SLC49A3: variants seen among roughly 807,000 people sequenced by gnomAD.
SLC49A3 encodes solute carrier family 49 member 3.
In SLC49A3, 50 loss-of-function variants were observed where a neutral mutation model predicts 43.8. That is an observed-to-expected ratio of 1.14 (90% CI 0.91 to 1.45). The LOEUF (loss-of-function observed/expected upper bound fraction) is 1.45, where lower values mean the gene tolerates loss of function less well. Ranked by LOEUF, SLC49A3 falls within the 40% of genes most tolerant of loss-of-function variation. The pLI is 0.00. For missense variants in SLC49A3, 906 were observed against 774.1 expected (o/e 1.17, Z -2.02); for synonymous variants, 413 against 352.0 (o/e 1.17, Z -1.94).
At chr4:689,545 G>A (rs1741687567), upstream of SLC49A3, 2 of 157,020 alleles carry the variant, frequency 1.3e-5, no homozygotes, top group South Asian at 2.1e-4. Context: ...CCACAGGGAG[G>A]GGCCAGAGGC....
downstream of SLC49A3, chr4:681,189 C>T (rs1228910766): frequency 5.1e-6 from 8 of 1,573,826 alleles, no homozygotes; most frequent in Admixed American, 1.8e-5. Context: ...GGGCGGGGCT[C>T]CCGGGGTCAG....
At chr4:679,100 G>T (rs1224442848), downstream of SLC49A3, 1 of 1,320,780 alleles carries the variant, frequency 7.6e-7, no homozygotes, top group African/African-American at 2.2e-5. Flanking sequence ...TCCAGCTCCA[G>T]ACGCCGCGGC....
In SLC49A3 at chr4:686,512, T is replaced by C. The variant is rs764260113; in HGVS notation, c.294+20A>G. ...CCCTGCACTGTCCCGGAGCGGGCCA[T>C]GGTGTGGGGTCTGACTCACCGCCGC... On this transcript the variant is annotated intron_variant, in intron 2 of 9. Transcript: ENST00000322224. The C allele has an allele frequency of 1.2e-6, 2 of 1,609,822 alleles. No individual in the cohort carries two copies. Among genetic ancestry groups the C allele is most frequent in the East Asian group, 2.2e-5 (1 of 44,852 alleles).
At chr4:677,040 G>T (rs550420208), downstream of SLC49A3, 2 of 525,774 alleles carry the variant, frequency 3.8e-6, no homozygotes, top group African/African-American at 2.1e-5. Context: ...ACACGGTGGC[G>T]CCCCCAGGGA....
chr4:689,074 G>A lies in SLC49A3; in HGVS notation c.54C>T (p.Cys18=). 1 of 1,566,232 alleles carries A rather than the reference G, an allele frequency of 6.4e-7. No individual in the cohort carries two copies. The highest frequency in any genetic ancestry group is 2.5e-5 in the East Asian group (1 of 39,358). ...CGTAGGTGCGGTGGCCCCGCTGCGC[G>A]CACAGGGCCCGGGGCTCGGCCAACC... ...ETGLAEPRAL[C]AQRGHRTYAR... Residue 18 remains cysteine, a synonymous_variant, in exon 1 of 10, where the codon TGC becomes TGT. Transcript: ENST00000322224.
Position 685,265 on chromosome 4 carries a change from C to T in SLC49A3, c.586-409G>A, listed in dbSNP as rs756822061. On this transcript the variant is annotated intron_variant, in intron 4 of 9. Transcript: ENST00000322224. This position sits in a 1 kb window ranked among gnomAD's most constrained non-coding sequence, Gnocchi z 4.3. Reference sequence around the variant, plus strand: ...ACCACCCGCACCTGATACACATGCACGAGCACACACAGGTACACACCACAC... The same window carrying T: ...ACCACCCGCACCTGATACACATGCATGAGCACACACAGGTACACACCACAC... Among the ~76,000 whole-genome samples, 4 of 152,136 alleles carry T rather than the reference C, an allele frequency of 2.6e-5. No individual in the cohort carries two copies. Among genetic ancestry groups the T allele is most frequent in the South Asian group, 2.1e-4 (1 of 4,818 alleles).
chr4:678,262 C>G, downstream of SLC49A3: 1 of 1,467,938 alleles, frequency 6.8e-7, no homozygotes, highest in South Asian at 1.4e-5. Flanking sequence ...CGTTGCTCTC[C>G]TGGTGAGAGT....
At chr4:689,676 G>A (rs1215128132), upstream of SLC49A3, among the ~76,000 whole-genome samples, 2 of 152,284 alleles carry the variant, frequency 1.3e-5, no homozygotes, top group African/African-American at 4.8e-5. Flanking sequence ...GCCAAGGCTG[G>A]AGGGAAGGCC....
Position 683,348 on chromosome 4 carries a change from T to C in SLC49A3, c.1013A>G (p.Gln338Arg), listed in dbSNP as rs2109401864. The C allele has an allele frequency of 6.2e-7, 1 of 1,610,670 alleles. No homozygotes were observed. Among genetic ancestry groups the C allele is most frequent in the East Asian group, 2.2e-5 (1 of 44,750 alleles). ...GCAGGTGGCAGCCAGGGCAAGGGTC[T>C]GTCCCTGCAGCTGGGACACCTGGGA... ...PFALVSQLQGQTLALAATCSL... is the reference protein window; with the variant it reads ...PFALVSQLQGRTLALAATCSL... The change falls in exon 8 of 10, where the codon CAG (glutamine) becomes CGG (arginine). Residue 338 changes from glutamine to arginine, a missense_variant. Physicochemically the swap from Gln to Arg is conservative, Grantham distance 43 (BLOSUM62 1). Coordinates refer to ENST00000322224, the MANE Select transcript of SLC49A3 (RefSeq NM_032219.4).
chr4:686,454 G>A (rs1160730615), intron 2 of SLC49A3, 78 bp downstream of exon 2: 4 of 1,568,756 alleles, frequency 2.5e-6, no homozygotes, highest in Non-Finnish European at 3.5e-6. Flanking sequence ...CCGGTCTGGG[G>A]AGGCCTTGAC....
chr4:681,312 G>C (rs575910949), downstream of SLC49A3, among the ~76,000 whole-genome samples: 265 of 152,208 alleles, frequency 1.7e-3, no homozygotes, highest in African/African-American at 6.1e-3. Flanking sequence ...AACTGGCTCA[G>C]AGGGATCAGG....
downstream of SLC49A3, chr4:678,897 C>T: frequency 6.2e-7 from 1 of 1,608,430 alleles, no homozygotes; most frequent in Non-Finnish European, 8.5e-7. Flanking sequence ...GAACCGGGAG[C>T]AGGGGGCGGG....
In SLC49A3 at chr4:682,021, C is replaced by A; in HGVS notation, c.1617G>T (p.Ala539=). The A allele has an allele frequency of 7.0e-7, 1 of 1,429,812 alleles. No individual in the cohort carries two copies. The highest frequency in any genetic ancestry group is 1.5e-5 in the South Asian group (1 of 67,828). 88.6% of individuals were successfully genotyped at this position (1,429,812 alleles called of 1,614,324 possible). Residue 539 remains alanine (A), a synonymous_variant, in exon 10 of 10, where the codon GCG becomes GCT. Transcript: ENST00000322224. ...ACCCAGCCGGGTCAATAAACCTGGACGCTTGGACCCTGCCTGCGAGTCTGC... is the reference window on the plus strand; with the variant it reads ...ACCCAGCCGGGTCAATAAACCTGGAAGCTTGGACCCTGCCTGCGAGTCTGC... The part of the protein sequence containing the change: ...RPGRLAGRVQ[A]SRFIDPAGSH...
At position 681,948 on chromosome 4, in the gene SLC49A3, A is replaced by G. The variant is rs15188; in HGVS notation, c.*10T>C. 7.4e-7 allele frequency: 1 copy of G among 1,345,172 alleles called. No individual in the cohort carries two copies. The highest frequency in any genetic ancestry group is 9.7e-7 in the Non-Finnish European group (1 of 1,036,012). The allele number at this position is 1,345,172 out of a possible 1,614,324, so 83.3% of individuals were successfully genotyped here. ...GATGTGGCGGGCAACCTGGACTACA[A>G]GGCGCTCAGCTACGTGATCACCCAC... On this transcript the variant is annotated 3_prime_UTR_variant, in exon 10 of 10. Coordinates refer to ENST00000322224, the MANE Select transcript of SLC49A3 (RefSeq NM_032219.4).
In SLC49A3 at chr4:682,052, CG is replaced by C; in HGVS notation, c.1585del (p.Arg529AlafsTer29). On this transcript the variant is annotated frameshift_variant, in exon 10 of 10. Coordinates refer to ENST00000322224, the MANE Select transcript of SLC49A3 (RefSeq NM_032219.4). LOFTEE classifies it low-confidence loss of function (END_TRUNC). Reference protein sequence around the residue: ...QGPAATDAPSRPGRLAGRVQA... With the variant: ...QGPAATDAPSXPGRLAGRVQA... Reference sequence around the variant, plus strand: ...GACCCTGCCTGCGAGTCTGCCGGGGCGGGAGGGCGCGTCGGTGGCTGCTGGG... The same window carrying C: ...GACCCTGCCTGCGAGTCTGCCGGGGCGGAGGGCGCGTCGGTGGCTGCTGGG... 7.1e-7 allele frequency: 1 copy of C among 1,413,896 alleles called. No individual in the cohort carries two copies. Among genetic ancestry groups the C allele is most frequent in the Non-Finnish European group, 9.3e-7 (1 of 1,071,920 alleles). 87.6% of individuals were successfully genotyped at this position (1,413,896 alleles called of 1,614,324 possible).
downstream of SLC49A3, chr4:677,784 G>C (rs2109326154): frequency 1.6e-6 from 1 of 627,288 alleles, no homozygotes; most frequent in East Asian, 2.8e-5. Flanking sequence ...ATGGGAGGTA[G>C]TCCTGGCCAG....
downstream of SLC49A3, chr4:680,852 G>A: frequency 1.6e-6 from 1 of 636,042 alleles, no homozygotes; most frequent in Middle Eastern, 4.3e-4. Flanking sequence ...AGGCGCCGGG[G>A]AAAGTACCAG....
In SLC49A3 at chr4:689,129, G is replaced by A. The variant is rs1018027714; in HGVS notation, c.-2C>T. The A allele has an allele frequency of 7.3e-7, 1 of 1,379,108 alleles. No individual in the cohort carries two copies. The highest frequency in any genetic ancestry group is 9.3e-7 in the Non-Finnish European group (1 of 1,073,878). The allele number at this position is 1,379,108 out of a possible 1,614,324, so 85.4% of individuals were successfully genotyped here. Reference sequence around the variant, plus strand: ...CTCGGCCTCCGTCGGCCCCGCCATCGTCGGCGGCCTCCACGGGTCTCCGCC... The same window carrying A: ...CTCGGCCTCCGTCGGCCCCGCCATCATCGGCGGCCTCCACGGGTCTCCGCC... On this transcript the variant is annotated 5_prime_UTR_variant, in exon 1 of 10. The change creates a new upstream start codon in the 5' untranslated region. Transcript: ENST00000322224.
In SLC49A3 at chr4:683,692, AG is replaced by A. The variant is rs750718651; in HGVS notation, c.909del (p.Tyr304MetfsTer76). 9.4e-6 allele frequency: 15 copies of A among 1,604,070 alleles called. No individual in the cohort carries two copies. The highest frequency in any genetic ancestry group is 1.3e-5 in the Non-Finnish European group (15 of 1,175,774). ...GTGAAGTGCTTGGTCCGGTCCACAT[AG>A]GGGCCGAGAGCCAGTGCCCCCAGGA... Reference protein sequence around the residue: ...FGILGALALGPYVDRTKHFTE... With the variant: ...FGILGALALGXYVDRTKHFTE... On this transcript the variant is annotated frameshift_variant, in exon 7 of 10. Coordinates refer to ENST00000322224, the MANE Select transcript of SLC49A3 (RefSeq NM_032219.4). LOFTEE classifies it high-confidence loss of function.
Sources: allele counts gnomAD v4.1 joint callset (sites outside exome capture counted in the v4.1 genomes callset), GRCh38; gene constraint gnomAD v4.1.1; non-coding constraint Gnocchi (gnomAD v3.1); transcripts MANE v1.5; gene names NCBI Gene and HGNC (gene_info 2026-07-23, HGNC 2026-07-21).